The following PIEZO2 variants were observed in gnomAD, a reference collection of about 807,000 sequenced individuals.
PIEZO2 encodes the protein piezo-type mechanosensitive ion channel component 2.
Under a neutral mutation model 337.3 loss-of-function variants are expected in PIEZO2, and 172 were observed. That is an observed-to-expected ratio of 0.51 (90% CI 0.45 to 0.58). The LOEUF (loss-of-function observed/expected upper bound fraction) is 0.58, where lower values mean the gene tolerates loss of function less well. Among genes scored for constraint, PIEZO2 ranks in the 20% least tolerant of loss-of-function variants. PIEZO2 has a pLI of 0.00. For synonymous variants in PIEZO2, 1,251 were observed against 1,228.5 expected (o/e 1.02, Z -0.38); for missense variants, 3,028 against 3,391.3 (o/e 0.89, Z 2.66).
At position 10,786,960 on chromosome 18, in the gene PIEZO2, C is replaced by T. The variant is rs2039244422; in HGVS notation, c.2318+76G>A. ...TGATGACATCATGCTTTACTAAAAT[C>T]TTCCTTAAAGATGCTTTGAACAATA... On this transcript the variant is annotated intron_variant, in intron 16 of 55. Coordinates refer to ENST00000674853, the MANE Select transcript of PIEZO2 (RefSeq NM_001378183.1). 4 of 1,353,768 alleles carry T rather than the reference C, an allele frequency of 3.0e-6. No homozygotes were observed. The South Asian group carries it at 5.4e-5, about 18-fold the overall frequency. 83.9% of individuals were successfully genotyped at this position (1,353,768 alleles called of 1,614,324 possible).
At chr18:10,736,874 G>A (rs543904757) in intron 33 of PIEZO2, among the ~76,000 whole-genome samples, 164 bp from the exon 34 acceptor site, 8 of 152,122 alleles carry the variant, frequency 5.3e-5, no homozygotes, top group Non-Finnish European at 1.0e-4. Context: ...ACTCATCTTC[G>A]GCTAATGCTA....
intron 7 of PIEZO2, among the ~76,000 whole-genome samples, chr18:10,814,891 T>G (rs1016370174): frequency 6.6e-6 from 1 of 152,214 alleles, no homozygotes; most frequent in African/African-American, 2.4e-5. Flanking sequence ...GCTGCGTTTC[T>G]GTAAGCGAGT....
At chr18:10,702,334 G>A (rs1268059544) in intron 42 of PIEZO2, among the ~76,000 whole-genome samples, 163 bp from the exon 43 acceptor site, 3 of 152,140 alleles carry the variant, frequency 2.0e-5, no homozygotes, top group Admixed American at 6.5e-5. Context: ...TATCATTCTC[G>A]CAGACTATTG....
chr18:10,971,918 C>T (rs951426366), intron 3 of PIEZO2, among the ~76,000 whole-genome samples: 2 of 152,066 alleles, frequency 1.3e-5, no homozygotes, highest in African/African-American at 4.8e-5. Flanking sequence ...AGGCGAGGCA[C>T]TTTTTGCCTC....
At chr18:10,686,823 A>G (rs2034564722) in intron 49 of PIEZO2, among the ~76,000 whole-genome samples, 1 of 152,134 alleles carries the variant, frequency 6.6e-6, no homozygotes, top group Non-Finnish European at 1.5e-5. Flanking sequence ...AGACAGTGCA[A>G]AGATGTGTCA....
In PIEZO2 at chr18:11,016,867, T is replaced by C. The variant is rs1280302525; in HGVS notation, c.161-37207A>G. ...TGTTATTTCCTTCTCCCCTAATAAT[T>C]GCTTTCTGCAATTGTTTATTTCATT... On this transcript the variant is annotated intron_variant, in intron 2 of 55. Coordinates refer to ENST00000674853, the MANE Select transcript of PIEZO2 (RefSeq NM_001378183.1). This position sits in a 1 kb window ranked among gnomAD's most constrained non-coding sequence, Gnocchi z 5.6. 6.6e-6 allele frequency among the ~76,000 whole-genome samples: 1 copy of C among 152,218 alleles called. No individual in the cohort carries two copies. Among genetic ancestry groups the C allele is most frequent in the African/African-American group, 2.4e-5 (1 of 41,452 alleles).
At chr18:11,025,297 T>C (rs909489765) in intron 2 of PIEZO2, among the ~76,000 whole-genome samples, 8 of 152,164 alleles carry the variant, frequency 5.3e-5, no homozygotes, top group African/African-American at 1.9e-4. Flanking sequence ...TCATATATGT[T>C]TCTTGTTATT....
intron 2 of PIEZO2, among the ~76,000 whole-genome samples, chr18:11,012,233 T>C (rs1206330301): frequency 1.3e-5 from 2 of 152,222 alleles, no homozygotes; most frequent in East Asian, 3.9e-4. Flanking sequence ...AGTGCTCCAT[T>C]ATGACATCTA....
Position 11,129,847 on chromosome 18 carries a change from T to A in PIEZO2, c.64+18678A>T, listed in dbSNP as rs1478184747. 6.6e-6 allele frequency among the ~76,000 whole-genome samples: 1 copy of A among 152,004 alleles called. No homozygotes were observed. The highest frequency in any genetic ancestry group is 2.4e-5 in the African/African-American group (1 of 41,384). The stretch of plus-strand genomic sequence containing the variant: ...CAGTTAAAGTAGGGGCTTATGGAGG[T>A]CAGGTAATTAATGGAGTTTTAGCTC... On this transcript the variant is annotated intron_variant, in intron 1 of 55. Transcript: ENST00000674853. This position sits in a 1 kb window ranked among gnomAD's most constrained non-coding sequence, Gnocchi z 4.6.
Position 10,895,686 on chromosome 18 carries a change from C to T in PIEZO2, c.329+15500G>A, listed in dbSNP as rs1026662496. The stretch of plus-strand genomic sequence containing the variant: ...CTGGGAAATGGGGCGCTCCCTCTGA[C>T]CTGCACATTTCATCTCTACCCAATG... On this transcript the variant is annotated intron_variant, in intron 4 of 55. Coordinates refer to ENST00000674853, the MANE Select transcript of PIEZO2 (RefSeq NM_001378183.1). This position sits in a 1 kb window ranked among gnomAD's most constrained non-coding sequence, Gnocchi z 4.8. 6.6e-6 allele frequency among the ~76,000 whole-genome samples: 1 copy of T among 152,108 alleles called. No homozygotes were observed. Among genetic ancestry groups the T allele is most frequent in the African/African-American group, 2.4e-5 (1 of 41,402 alleles).
At chr18:10,891,568 G>A (rs548387954) in intron 4 of PIEZO2, among the ~76,000 whole-genome samples, 14 of 152,134 alleles carry the variant, frequency 9.2e-5, no homozygotes, top group Non-Finnish European at 1.2e-4. Flanking sequence ...ACACACACAT[G>A]AGGACAATTC....
In PIEZO2 at chr18:10,988,345, T is replaced by C. The variant is rs1178792046; in HGVS notation, c.161-8685A>G. Among the ~76,000 whole-genome samples, 1 of 152,144 alleles carries C rather than the reference T, an allele frequency of 6.6e-6. No homozygotes were observed. The highest frequency in any genetic ancestry group is 1.9e-4 in the East Asian group (1 of 5,198). ...TAATAAATTTCTATTCTTTATAAAT[T>C]ATCCAGTCTGTGACATTTCGTTTAG... On this transcript the variant is annotated intron_variant, in intron 2 of 55. Coordinates refer to ENST00000674853, the MANE Select transcript of PIEZO2 (RefSeq NM_001378183.1). The surrounding 1 kb of genome is among the most constrained non-coding windows in gnomAD (Gnocchi z 4.8).
At position 10,953,542 on chromosome 18, in the gene PIEZO2, C is replaced by T. The variant is rs1478211383; in HGVS notation, c.286+25993G>A. 6.6e-6 allele frequency among the ~76,000 whole-genome samples: 1 copy of T among 151,942 alleles called. No individual in the cohort carries two copies. Among genetic ancestry groups the T allele is most frequent in the Non-Finnish European group, 1.5e-5 (1 of 68,028 alleles). ...GTATCTCTATGGAAAATCAAGTGGCCGTGCACATACATGTGGGTCTATTTC... is the reference window on the plus strand; with the variant it reads ...GTATCTCTATGGAAAATCAAGTGGCTGTGCACATACATGTGGGTCTATTTC... On this transcript the variant is annotated intron_variant, in intron 3 of 55. Transcript: ENST00000674853. The surrounding 1 kb of genome is among the most constrained non-coding windows in gnomAD (Gnocchi z 5.2).
chr18:11,106,333 C>T (rs1361930017), intron 1 of PIEZO2, among the ~76,000 whole-genome samples: 5 of 150,446 alleles, frequency 3.3e-5, no homozygotes, highest in South Asian at 2.1e-4. Context: ...CTCCTGACCT[C>T]GTGATCCGCC....
intron 35 of PIEZO2, among the ~76,000 whole-genome samples, 152 bp from the exon 36 acceptor site, chr18:10,731,673 T>G (rs1454228211): frequency 6.6e-6 from 1 of 152,034 alleles, no homozygotes; most frequent in African/African-American, 2.4e-5. Context: ...TTCAATTTTT[T>G]TTTTTAGAAA....
chr18:11,119,797 T>C (rs2039984134), intron 1 of PIEZO2, among the ~76,000 whole-genome samples: 1 of 152,190 alleles, frequency 6.6e-6, no homozygotes. Flanking sequence ...AAAATAGCTT[T>C]CCTTTCTGTG....
In PIEZO2 at chr18:10,856,542, A is replaced by G. The variant is rs1177421612; in HGVS notation, c.703+459T>C. Among the ~76,000 whole-genome samples the G allele has an allele frequency of 6.6e-6, 1 of 152,212 alleles. No individual in the cohort carries two copies. Among genetic ancestry groups the G allele is most frequent in the Non-Finnish European group, 1.5e-5 (1 of 68,042 alleles). Reference sequence around the variant, plus strand: ...AGGAAGTGAGCGTCTGTGCTGGAAGATTACAATCTAACTTAGGAAGAAAAA... The same window carrying G: ...AGGAAGTGAGCGTCTGTGCTGGAAGGTTACAATCTAACTTAGGAAGAAAAA... On this transcript the variant is annotated intron_variant, in intron 6 of 55. Coordinates refer to ENST00000674853, the MANE Select transcript of PIEZO2 (RefSeq NM_001378183.1). This position sits in a 1 kb window ranked among gnomAD's most constrained non-coding sequence, Gnocchi z 4.7.
intron 2 of PIEZO2, among the ~76,000 whole-genome samples, chr18:11,024,311 C>T (rs972475380): frequency 1.6e-4 from 25 of 151,828 alleles, no homozygotes; most frequent in African/African-American, 3.9e-4. Flanking sequence ...TCTGGGAGGC[C>T]GAGGCGAGCA....
At chr18:10,698,441 G>T (rs1027358116) in intron 44 of PIEZO2, among the ~76,000 whole-genome samples, 8 of 152,180 alleles carry the variant, frequency 5.3e-5, no homozygotes, top group Admixed American at 1.3e-4. Flanking sequence ...GATTCCAAGA[G>T]GGGCAGCTGT....
Sources: allele counts gnomAD v4.1 joint callset (sites outside exome capture counted in the v4.1 genomes callset), GRCh38; gene constraint gnomAD v4.1.1; non-coding constraint Gnocchi (gnomAD v3.1); transcripts MANE v1.5; gene names NCBI Gene and HGNC (gene_info 2026-07-23, HGNC 2026-07-21).